BCL9: variants seen among roughly 807,000 people sequenced by gnomAD.
The protein encoded by BCL9 is BCL9 transcription coactivator.
BCL9 carries 25 observed loss-of-function variants against 88.5 expected under a neutral mutation model. That is an observed-to-expected ratio of 0.28 (90% CI 0.21 to 0.39). The LOEUF (loss-of-function observed/expected upper bound fraction) is 0.39, where lower values mean the gene tolerates loss of function less well. Among genes scored for constraint, BCL9 ranks in the 10% least tolerant of loss-of-function variants. The pLI is 1.00. For synonymous variants in BCL9, 711 were observed against 673.3 expected (o/e 1.06, Z -0.87); for missense variants, 1,817 against 1,877.8 (o/e 0.97, Z 0.60).
chr1:147,614,705 A>C (rs7512513), intron 6 of BCL9, 89 bp downstream of exon 6: 261,905 of 1,341,478 alleles, frequency 0.2, 31,143 homozygotes, highest in African/African-American at 0.52. Context: ...TTTTATTATC[A>C]CCTAAAGTTA....
At chr1:147,566,785 G>C (rs1553196779) in intron 1 of BCL9, among the ~76,000 whole-genome samples, 1 of 151,904 alleles carries the variant, frequency 6.6e-6, no homozygotes, top group African/African-American at 2.4e-5. Context: ...AGAAAGTCAT[G>C]GGCCATAAAG....
intron 3 of BCL9, among the ~76,000 whole-genome samples, chr1:147,609,899 A>G (rs1419340722): frequency 6.6e-6 from 1 of 152,262 alleles, no homozygotes; most frequent in East Asian, 1.9e-4. Flanking sequence ...CAGGGTGATA[A>G]AATATACACC....
chr1:147,581,480 TAAAAC>T (rs1464861989), intron 1 of BCL9, among the ~76,000 whole-genome samples: 1 of 152,238 alleles, frequency 6.6e-6, no homozygotes, highest in African/African-American at 2.4e-5. Flanking sequence ...TCTTCGATAA[TAAAAC>T]AAAAGAAGCA....
chr1:147,619,778 A>T lies in BCL9; in HGVS notation c.1623A>T (p.Pro541=), dbSNP rs2101620312. ...TEPFSDGINM[P]HSLPPRGMAP... is the part of the protein sequence containing the mutation. ...CATTTTCTGATGGTATCAACATGCCACATTCTCTGCCCCCGAGGGGCATGG... is the reference window on the plus strand; with the variant it reads ...CATTTTCTGATGGTATCAACATGCCTCATTCTCTGCCCCCGAGGGGCATGG... The change falls in exon 8 of 10, where the codon CCA becomes CCT. Residue 541 remains proline (P), a synonymous_variant. Transcript: ENST00000234739. This position sits in a 1 kb window ranked among gnomAD's most constrained non-coding sequence, Gnocchi z 4.1. 6.2e-7 allele frequency: 1 copy of T among 1,614,068 alleles called. No individual in the cohort carries two copies. The highest frequency in any genetic ancestry group is 2.2e-5 in the East Asian group (1 of 44,858).
At position 147,625,144 on chromosome 1, in the gene BCL9, TAATC is replaced by T; in HGVS notation, c.*188_*191del. The stretch of plus-strand genomic sequence containing the variant: ...TTTACCTGAAAACAAATTATTCATT[TAATC>T]AACAGGTGTGTTTTTTTTAAGATTT... On this transcript the variant is annotated 3_prime_UTR_variant, in exon 10 of 10. Transcript: ENST00000234739. 1.5e-6 allele frequency: 1 copy of T among 664,834 alleles called. No individual in the cohort carries two copies. The highest frequency in any genetic ancestry group is 2.9e-5 in the East Asian group (1 of 34,700). 41.2% of individuals were successfully genotyped at this position (664,834 alleles called of 1,614,324 possible). A position where few individuals can be genotyped will look rare whatever the true frequency, so the allele number is the denominator to read the frequency against.
At chr1:147,598,182 TC>T (rs1657136337) in intron 1 of BCL9, among the ~76,000 whole-genome samples, 1 of 152,258 alleles carries the variant, frequency 6.6e-6, no homozygotes, top group Non-Finnish European at 1.5e-5. Context: ...CCTGACTTTT[TC>T]CTCCTGCCTT....
At chr1:147,585,541 T>C (rs781838127) in intron 1 of BCL9, among the ~76,000 whole-genome samples, 7 of 152,270 alleles carry the variant, frequency 4.6e-5, no homozygotes, top group African/African-American at 1.7e-4. Context: ...TTCATGGAGG[T>C]ATTAGGGTCA....
intron 1 of BCL9, among the ~76,000 whole-genome samples, chr1:147,587,756 C>CTGTG (rs3045400): frequency 0.011 from 1,511 of 141,860 alleles, 9 homozygotes; most frequent in Non-Finnish European, 0.013. Context: ...GTAGTGAGGC[C>CTGTG]TGTGTGTGTG....
intron 1 of BCL9, among the ~76,000 whole-genome samples, chr1:147,561,589 GTTCA>G (rs1553196112): frequency 6.6e-6 from 1 of 152,086 alleles, no homozygotes; most frequent in African/African-American, 2.4e-5. Flanking sequence ...TTATTCATTT[GTTCA>G]TTCATTCTTC....
At chr1:147,564,583 C>T (rs1165342338) in intron 1 of BCL9, among the ~76,000 whole-genome samples, 1 of 152,140 alleles carries the variant, frequency 6.6e-6, no homozygotes, top group Non-Finnish European at 1.5e-5. Context: ...TTCTTCTCTT[C>T]TACATCCTGA....
chr1:147,583,022 C>T (rs1477327452), intron 1 of BCL9, among the ~76,000 whole-genome samples: 1 of 152,186 alleles, frequency 6.6e-6, no homozygotes, highest in Non-Finnish European at 1.5e-5. Context: ...ATGAAAAATA[C>T]AATTAACTTA....
chr1:147,613,272 A>C, intron 5 of BCL9, 73 bp downstream of exon 5: 1 of 1,496,674 alleles, frequency 6.7e-7, no homozygotes, highest in Non-Finnish European at 9.3e-7. Context: ...CATTCGACAG[A>C]GGCCAGAGAG....
At chr1:147,550,143 C>T (rs1654819269) in intron 1 of BCL9, among the ~76,000 whole-genome samples, 1 of 152,168 alleles carries the variant, frequency 6.6e-6, no homozygotes, top group Non-Finnish European at 1.5e-5. Flanking sequence ...TTTATAGGTT[C>T]TTAGCCAGCT....
intron 1 of BCL9, among the ~76,000 whole-genome samples, chr1:147,581,107 T>C (rs1656349420): frequency 1.3e-5 from 2 of 152,178 alleles, no homozygotes; most frequent in South Asian, 4.1e-4. Context: ...TAATTACCAA[T>C]GTGACCCTGG....
At chr1:147,601,860 G>T (rs1206784775) in intron 1 of BCL9, among the ~76,000 whole-genome samples, 2 of 152,154 alleles carry the variant, frequency 1.3e-5, no homozygotes, top group Non-Finnish European at 2.9e-5. Context: ...TGAGGGCTTG[G>T]ATAAAAAGAG....
chr1:147,622,664 G>GT, intron 9 of BCL9, 133 bp downstream of exon 9: 1 of 1,140,592 alleles, frequency 8.8e-7, no homozygotes, highest in Non-Finnish European at 1.2e-6. Context: ...ATCTAAGGTA[G>GT]TTTCAGTAGA....
At chr1:147,603,650 C>T (rs1018920431) in intron 1 of BCL9, among the ~76,000 whole-genome samples, 7 of 149,812 alleles carry the variant, frequency 4.7e-5, no homozygotes, top group African/African-American at 1.2e-4. Context: ...TACAGGTACA[C>T]GCTACCATGC....
intron 8 of BCL9, 89 bp downstream of exon 8, chr1:147,621,146 A>C: frequency 2.2e-6 from 3 of 1,360,756 alleles, no homozygotes; most frequent in Non-Finnish European, 3.0e-6. Context: ...TGTCTTGAGT[A>C]CACAGACAGA....
rs782308714 is a variant in BCL9, at chr1:147,624,706, G to C, written c.4028G>C (p.Gly1343Ala). ...MMSPAQSTMP[G>A]QPTLMSNPAA... ...TCACCAGCACAATCTACAATGCCCGGCCAGCCCACCCTGATGAGCAATCCA... is the reference window on the plus strand; with the variant it reads ...TCACCAGCACAATCTACAATGCCCGCCCAGCCCACCCTGATGAGCAATCCA... Residue 1343 changes from glycine (G) to alanine (A), a missense_variant, in exon 10 of 10, where the codon GGC becomes GCC. By Grantham distance (60) the Gly-to-Ala change is moderately conservative (BLOSUM62 0). Around this residue, in one of 2 missense-constraint regions of BCL9, gnomAD observed 589 missense variants for 686.2 expected, o/e 0.86. Coordinates refer to ENST00000234739, the MANE Select transcript of BCL9 (RefSeq NM_004326.4). The surrounding 1 kb of genome is among the most constrained non-coding windows in gnomAD (Gnocchi z 4.4). 6.2e-7 allele frequency: 1 copy of C among 1,614,154 alleles called. No homozygotes were observed. The highest frequency in any genetic ancestry group is 8.5e-7 in the Non-Finnish European group (1 of 1,180,020).
Sources: gnomAD v4.1 joint callset for allele counts (sites outside exome capture counted in the v4.1 genomes callset) on GRCh38, gnomAD v4.1.1 for gene constraint, gnomAD v4.1.1 regional missense constraint, Gnocchi (gnomAD v3.1) non-coding constraint, MANE v1.5 for transcripts, NCBI Gene and HGNC (gene_info 2026-07-23, HGNC 2026-07-21) for gene names.